The following TRABD2B variants were observed in gnomAD, a reference collection of about 807,000 sequenced individuals.
The protein encoded by TRABD2B is TraB domain containing 2B.
TRABD2B carries 14 observed loss-of-function variants against 40.1 expected under a neutral mutation model. That is an observed-to-expected ratio of 0.35 (90% CI 0.23 to 0.55). The LOEUF is 0.55. Ranked by LOEUF, TRABD2B falls within the 20% of genes least tolerant of loss-of-function variation. The pLI, the probability that TRABD2B is intolerant of heterozygous loss-of-function variation, is 0.90. For missense variants in TRABD2B, 541 were observed against 648.6 expected (o/e 0.83, Z 1.80); for synonymous variants, 263 against 277.0 (o/e 0.95, Z 0.50).
At chr1:47,917,347 G>A (rs72898155) in intron 2 of TRABD2B, among the ~76,000 whole-genome samples, 3,320 of 152,298 alleles carry the variant, frequency 0.022, 59 homozygotes, top group South Asian at 0.06. Context: ...CTGCGGATGG[G>A]TGGGCGTCAG....
intron 4 of TRABD2B, among the ~76,000 whole-genome samples, chr1:47,789,739 C>T (rs4927058): frequency 0.043 from 6,517 of 152,142 alleles, 311 homozygotes; most frequent in Admixed American, 0.1. Flanking sequence ...TCCCTCCTTC[C>T]CTTCAGTTAC....
intron 6 of TRABD2B, among the ~76,000 whole-genome samples, chr1:47,771,687 C>T (rs1198574301): frequency 6.6e-6 from 1 of 152,228 alleles, no homozygotes; most frequent in African/African-American, 2.4e-5. Flanking sequence ...TGCCCTTCCC[C>T]CAAGCCTGGC....
chr1:47,781,750 G>A (rs770666700), intron 4 of TRABD2B, among the ~76,000 whole-genome samples: 10 of 152,292 alleles, frequency 6.6e-5, no homozygotes, highest in East Asian at 1.9e-4. Flanking sequence ...TCCAGGAGGC[G>A]CCATTCCCAT....
At chr1:47,767,107 C>T (rs1054559101) in intron 6 of TRABD2B, among the ~76,000 whole-genome samples, 1 of 152,138 alleles carries the variant, frequency 6.6e-6, no homozygotes, top group Non-Finnish European at 1.5e-5. Flanking sequence ...AGGGAGTGCA[C>T]AACTACAGAG....
intron 2 of TRABD2B, among the ~76,000 whole-genome samples, chr1:47,938,367 T>C (rs1287517166): frequency 6.6e-6 from 1 of 152,204 alleles, no homozygotes; most frequent in Non-Finnish European, 1.5e-5. Context: ...CTCTGGAGTA[T>C]GGCCATCTAC....
intron 2 of TRABD2B, among the ~76,000 whole-genome samples, chr1:47,923,462 G>T (rs1007602216): frequency 6.6e-6 from 1 of 152,186 alleles, no homozygotes; most frequent in East Asian, 1.9e-4. Flanking sequence ...GCCCATCCCT[G>T]ACCACTGCAC....
chr1:47,913,938 A>G (rs765113399), intron 2 of TRABD2B, among the ~76,000 whole-genome samples: 1 of 152,220 alleles, frequency 6.6e-6, no homozygotes, highest in African/African-American at 2.4e-5. Flanking sequence ...TGGTTGATTA[A>G]TTTGCCTAAG....
At chr1:47,860,328 G>A (rs1186878691) in intron 2 of TRABD2B, among the ~76,000 whole-genome samples, 1 of 152,132 alleles carries the variant, frequency 6.6e-6, no homozygotes, top group East Asian at 1.9e-4. Context: ...AGCTGCACAA[G>A]CTCACCCTGA....
At chr1:47,918,782 T>G (rs936268874) in intron 2 of TRABD2B, among the ~76,000 whole-genome samples, 20 of 152,132 alleles carry the variant, frequency 1.3e-4, no homozygotes, top group African/African-American at 4.6e-4. Flanking sequence ...GCGACCAAGG[T>G]CCAGAGTCAG....
chr1:47,950,696 C>T (rs954205297), intron 2 of TRABD2B, among the ~76,000 whole-genome samples: 1 of 152,222 alleles, frequency 6.6e-6, no homozygotes, highest in African/African-American at 2.4e-5. Flanking sequence ...CCAACAGAGG[C>T]TGCCTCGGTC....
chr1:47,963,705 T>A (rs1442481373), intron 2 of TRABD2B, among the ~76,000 whole-genome samples: 1 of 152,242 alleles, frequency 6.6e-6, no homozygotes, highest in Non-Finnish European at 1.5e-5. Context: ...CTTGCTTGCA[T>A]GTGTGGTACA....
intron 2 of TRABD2B, among the ~76,000 whole-genome samples, chr1:47,874,382 C>T (rs1570177960): frequency 6.7e-6 from 1 of 148,154 alleles, no homozygotes. Flanking sequence ...ACGCCATTCT[C>T]CTGCCTCAGC....
chr1:47,851,069 C>T (rs1645543939), intron 2 of TRABD2B, among the ~76,000 whole-genome samples: 1 of 152,170 alleles, frequency 6.6e-6, no homozygotes, highest in African/African-American at 2.4e-5. Context: ...TGGTTCCTAA[C>T]AGGCTATGGA....
intron 2 of TRABD2B, among the ~76,000 whole-genome samples, chr1:47,868,910 G>T (rs892301308): frequency 6.6e-6 from 1 of 152,146 alleles, no homozygotes; most frequent in African/African-American, 2.4e-5. Context: ...TTCATTTGTT[G>T]GTAAACTGGA....
intron 2 of TRABD2B, among the ~76,000 whole-genome samples, chr1:47,990,685 C>T (rs1472874439): frequency 1.3e-5 from 2 of 149,578 alleles, no homozygotes; most frequent in Non-Finnish European, 3.0e-5. Flanking sequence ...CTTTGAAAGA[C>T]TGGTAATTGC....
chr1:47,941,710 T>C (rs1645191564), intron 2 of TRABD2B, among the ~76,000 whole-genome samples: 1 of 152,242 alleles, frequency 6.6e-6, no homozygotes, highest in South Asian at 2.1e-4. Flanking sequence ...CACTTGCCTC[T>C]GTCTCCTTGG....
intron 4 of TRABD2B, among the ~76,000 whole-genome samples, chr1:47,779,278 G>A (rs1387747930): frequency 1.3e-5 from 2 of 152,138 alleles, no homozygotes; most frequent in Non-Finnish European, 2.9e-5. Flanking sequence ...CTGATTGCAG[G>A]GCCTGGCAGA....
At chr1:47,847,921 G>T (rs1005517442) in intron 2 of TRABD2B, among the ~76,000 whole-genome samples, 18 of 152,208 alleles carry the variant, frequency 1.2e-4, no homozygotes, top group African/African-American at 4.3e-4. Flanking sequence ...CCCAGAGGGG[G>T]CTAATTTTCC....
intron 2 of TRABD2B, among the ~76,000 whole-genome samples, chr1:47,901,950 A>C (rs1644606133): frequency 6.6e-6 from 1 of 152,182 alleles, no homozygotes; most frequent in Non-Finnish European, 1.5e-5. Context: ...AAGGAGCCAC[A>C]GGGTGCCCTA....
Sources: allele counts gnomAD v4.1 joint callset (sites outside exome capture counted in the v4.1 genomes callset), GRCh38; gene constraint gnomAD v4.1.1; transcripts MANE v1.5; gene names NCBI Gene and HGNC (gene_info 2026-07-23, HGNC 2026-07-21).